FAT3: variants seen among roughly 807,000 people sequenced by gnomAD.
The protein encoded by FAT3 is FAT atypical cadherin 3, also known as protocadherin Fat 3.
Under a neutral mutation model 310.2 loss-of-function variants are expected in FAT3, and 95 were observed. That is an observed-to-expected ratio of 0.31 (90% confidence interval 0.26 to 0.36). The LOEUF is 0.36. FAT3 is among the 10% of genes least tolerant of loss of function. FAT3 has a pLI of 1.00. For synonymous variants in FAT3, 2,314 were observed against 2,192.9 expected (o/e 1.06, Z -1.54); for missense variants, 5,408 against 5,715.6 (o/e 0.95, Z 1.74).
chr11:92,279,606 TG>T (rs367776250), intron 1 of FAT3, among the ~76,000 whole-genome samples: 1 of 152,316 alleles, frequency 6.6e-6, no homozygotes, highest in East Asian at 1.9e-4. Context: ...TGGGATATTT[TG>T]TTGCATGCAT....
chr11:92,309,406 ACACACACACACAC>A (rs538182645), intron 1 of FAT3, among the ~76,000 whole-genome samples: 241 of 149,008 alleles, frequency 1.6e-3, no homozygotes, highest in African/African-American at 5.6e-3. Context: ...ACACACACAC[ACACACACACACAC>A]TTTTCTCCTA....
In FAT3 at chr11:92,296,106, G is replaced by C. The variant is rs575829440; in HGVS notation, c.-17-55990G>C. On this transcript the variant is annotated intron_variant, in intron 1 of 27. Transcript: ENST00000525166. ...GGGCAAACTCAAGGTATACAGTTATGGTTGAGATATTCTGGTCCAACTCTG... is the reference window on the plus strand; with the variant it reads ...GGGCAAACTCAAGGTATACAGTTATCGTTGAGATATTCTGGTCCAACTCTG... Among the ~76,000 whole-genome samples, 4 of 152,150 alleles carry C rather than the reference G, an allele frequency of 2.6e-5. No homozygotes were observed. In the South Asian group the frequency reaches 8.3e-4, roughly 32 times the overall value.
In FAT3 at chr11:92,291,080, T is replaced by TACACACACACACACACACAC. The variant is rs141883138; in HGVS notation, c.-17-60998_-17-60979dup. Among the ~76,000 whole-genome samples, 69 of 142,886 alleles carry TACACACACACACACACACAC rather than the reference T, an allele frequency of 4.8e-4. 1 individual carries two copies. The highest frequency in any genetic ancestry group is 7.0e-4 in the Non-Finnish European group (46 of 65,918). The allele number at this position is 142,886 out of a possible 152,430, so 93.7% of individuals were successfully genotyped here. ...TTACTCTGCTAAATGCTTTTTATTC[T>TACACACACACACACACACAC]ACACACACACACACACACACACACA... On this transcript the variant is annotated intron_variant, in intron 1 of 27. Coordinates refer to ENST00000525166, the MANE Select transcript of FAT3 (RefSeq NM_001367949.2).
intron 2 of FAT3, among the ~76,000 whole-genome samples, chr11:92,418,257 A>G (rs1950457644): frequency 6.6e-6 from 1 of 152,132 alleles, no homozygotes; most frequent in South Asian, 2.1e-4. Flanking sequence ...TCACTTAGCA[A>G]ATCTCTTAGT....
At chr11:92,405,941 G>C (rs1470285220) in intron 2 of FAT3, among the ~76,000 whole-genome samples, 1 of 152,108 alleles carries the variant, frequency 6.6e-6, no homozygotes, top group Non-Finnish European at 1.5e-5. Flanking sequence ...AAATTGTTTT[G>C]TTTTGAGCTT....
intron 2 of FAT3, among the ~76,000 whole-genome samples, chr11:92,418,419 A>ACCCCCCCCCCCCCCC (rs1208826432): frequency 1.5e-4 from 6 of 39,522 alleles, no homozygotes; most frequent in Non-Finnish European, 3.3e-4. Context: ...AAAGTTAAAC[A>ACCCCCCCCCCCCCCC]CCCCCCCCAC....
At position 92,837,708 on chromosome 11, in the gene FAT3, C is replaced by G; in HGVS notation, c.10270C>G (p.Pro3424Ala). 6.2e-7 allele frequency: 1 copy of G among 1,613,932 alleles called. No individual in the cohort carries two copies. Among genetic ancestry groups the G allele is most frequent in the Non-Finnish European group, 8.5e-7 (1 of 1,179,862 alleles). The change falls in exon 17 of 28, where the codon CCT becomes GCT. Residue 3424 changes from proline to alanine, a missense_variant. Physicochemically the swap from Pro to Ala is conservative, Grantham distance 27 (BLOSUM62 -1). Around this residue, in one of 5 missense-constraint regions of FAT3, gnomAD observed 4,588 missense variants for 4,809.8 expected, o/e 0.95. Transcript: ENST00000525166. ...TGTCCAGGCCGTAGACAGTGGCATT[C>G]CTGCAATGTCATCAACTGCAACTGT... ...LLVQAVDSGI[P>A]AMSSTATVNI...
At chr11:92,797,084 T>C (rs760664298) in intron 9 of FAT3, among the ~76,000 whole-genome samples, 1 of 152,212 alleles carries the variant, frequency 6.6e-6, no homozygotes, top group African/African-American at 2.4e-5. Flanking sequence ...AACTGCCCTA[T>C]AACTTTTTAT....
rs764973256 is a variant in FAT3 at position 92,790,159 on chromosome 11, C to G, written c.4552C>G (p.Leu1518Val). Residue 1518 changes from leucine (L) to valine (V), a missense_variant, in exon 8 of 28, where the codon CTC becomes GTC. Physicochemically the swap from Leu to Val is conservative, Grantham distance 32 (BLOSUM62 1). Coordinates refer to ENST00000525166, the MANE Select transcript of FAT3 (RefSeq NM_001367949.2). ...KFRIDPSTGVLYTAERLDHEA... is the reference protein window; with the variant it reads ...KFRIDPSTGVVYTAERLDHEA... Reference sequence around the variant, plus strand: ...CCGGATTGACCCTAGCACTGGCGTGCTCTATACTGCCGAGAGGCTGGACCA... The same window carrying G: ...CCGGATTGACCCTAGCACTGGCGTGGTCTATACTGCCGAGAGGCTGGACCA... 5 of 1,613,762 alleles carry G rather than the reference C, an allele frequency of 3.1e-6. No homozygotes were observed. The highest frequency in any genetic ancestry group is 3.4e-6 in the Non-Finnish European group (4 of 1,179,702).
At position 92,331,001 on chromosome 11, in the gene FAT3, T is replaced by TGAGAGA. The variant is rs1379858139; in HGVS notation, c.-17-21094_-17-21093insAGAGAG. ...GTGTGTGTGTGTGTGTGTGTGTGTGTGTGAGAGAGAGAGAGAGAGAAACAT... is the reference window on the plus strand; with the variant it reads ...GTGTGTGTGTGTGTGTGTGTGTGTGTGAGAGAGTGAGAGAGAGAGAGAGAGAAACAT... On this transcript the variant is annotated intron_variant, in intron 1 of 27. Coordinates refer to ENST00000525166, the MANE Select transcript of FAT3 (RefSeq NM_001367949.2). Among the ~76,000 whole-genome samples the TGAGAGA allele has an allele frequency of 3.9e-3, 454 of 117,788 alleles. 7 individuals are homozygous for TGAGAGA. The East Asian group carries it at 0.067, about 17-fold the overall frequency. The allele number at this position is 117,788 out of a possible 152,430, so 77.3% of individuals were successfully genotyped here. A position where few individuals can be genotyped will look rare whatever the true frequency, so the allele number is the denominator to read the frequency against.
At chr11:92,862,785 C>T (rs1291815368) in intron 21 of FAT3, among the ~76,000 whole-genome samples, 1 of 152,220 alleles carries the variant, frequency 6.6e-6, no homozygotes, top group Non-Finnish European at 1.5e-5. Flanking sequence ...TTACAAAGTA[C>T]TTTCACATAC....
chr11:92,359,041 G>A (rs1188928230), intron 2 of FAT3, among the ~76,000 whole-genome samples: 1 of 151,976 alleles, frequency 6.6e-6, no homozygotes, highest in African/African-American at 2.4e-5. Flanking sequence ...TCATCTACAG[G>A]GTTTGTTAAC....
At chr11:92,259,318 A>C (rs1220080999) in intron 1 of FAT3, among the ~76,000 whole-genome samples, 1 of 152,124 alleles carries the variant, frequency 6.6e-6, no homozygotes, top group Non-Finnish European at 1.5e-5. Context: ...TGACATTTAA[A>C]GCGGAAAAAC....
chr11:92,688,964 A>C (rs915974073), intron 3 of FAT3, among the ~76,000 whole-genome samples: 1 of 152,202 alleles, frequency 6.6e-6, no homozygotes, highest in African/African-American at 2.4e-5. Context: ...TTAGGTGGGA[A>C]GGAAGCAAAG....
intron 2 of FAT3, among the ~76,000 whole-genome samples, chr11:92,479,796 A>G (rs1386046836): frequency 6.6e-6 from 1 of 152,132 alleles, no homozygotes; most frequent in Non-Finnish European, 1.5e-5. Context: ...TTTACTCCCA[A>G]GTGTAACTCC....
intron 13 of FAT3, among the ~76,000 whole-genome samples, chr11:92,814,943 A>T (rs1947783384): frequency 6.6e-6 from 1 of 152,220 alleles, no homozygotes; most frequent in African/African-American, 2.4e-5. Flanking sequence ...ACATTCAGGA[A>T]GATAGGAGCC....
chr11:92,579,725 C>A (rs1044506553), intron 3 of FAT3, among the ~76,000 whole-genome samples: 3 of 152,074 alleles, frequency 2.0e-5, no homozygotes, highest in Non-Finnish European at 4.4e-5. Context: ...AGAATTCTGG[C>A]TGCCTTAGCA....
Position 92,798,707 on chromosome 11 carries a change from T to C in FAT3, c.5694T>C (p.Val1898=). 2.5e-6 allele frequency: 4 copies of C among 1,613,836 alleles called. No individual in the cohort carries two copies. The highest frequency in any genetic ancestry group is 3.4e-6 in the Non-Finnish European group (4 of 1,179,848). ...CTATCTTACTTCTACCTACCTATGT[T>C]GGAGTGGAGGTTCTGAAAGTTAGTG... The part of the protein sequence containing the change: ...FETILLLPTY[V]GVEVLKVSAT... Residue 1898 remains valine, a synonymous_variant, in exon 10 of 28, where the codon GTT becomes GTC. Coordinates refer to ENST00000525166, the MANE Select transcript of FAT3 (RefSeq NM_001367949.2).
chr11:92,794,687 T>C (rs1947124889), intron 9 of FAT3, among the ~76,000 whole-genome samples: 1 of 151,642 alleles, frequency 6.6e-6, no homozygotes. Context: ...CCTTAAAACA[T>C]CTTTCATAAA....
Sources: gnomAD v4.1 joint callset for allele counts (sites outside exome capture counted in the v4.1 genomes callset) on GRCh38, gnomAD v4.1.1 for gene constraint, gnomAD v4.1.1 regional missense constraint, MANE v1.5 for transcripts, NCBI Gene and HGNC (gene_info 2026-07-23, HGNC 2026-07-21) for gene names.